Variants in USH2A observed in about 807,000 individuals in gnomAD.
USH2A encodes Usher syndrome 2A (autosomal recessive, mild).
Under a neutral mutation model 538.9 loss-of-function variants are expected in USH2A, and 443 were observed. That is an observed-to-expected ratio of 0.82 (90% CI 0.76 to 0.89). The LOEUF is 0.89. Among genes scored for constraint, USH2A ranks in the 40% least tolerant of loss-of-function variants. The pLI is 0.00. For synonymous variants in USH2A, 2,413 were observed against 2,273.5 expected (o/e 1.06, Z -1.75); for missense variants, 6,633 against 6,324.8 (o/e 1.05, Z -1.65).
intron 49 of USH2A, among the ~76,000 whole-genome samples, chr1:215,811,989 T>TTG (rs1406333045): frequency 1.5e-5 from 2 of 135,968 alleles, no homozygotes; most frequent in African/African-American, 5.5e-5. Flanking sequence ...GGGTTTTTTT[T>TTG]TTTTTTTTTT....
At chr1:215,774,882 T>C (rs887800539) in intron 55 of USH2A, among the ~76,000 whole-genome samples, 3 of 151,872 alleles carry the variant, frequency 2.0e-5, no homozygotes, top group Non-Finnish European at 4.4e-5. Context: ...CACAAAAAAG[T>C]GGTTGATGCC....
At chr1:216,138,243 TAACA>T (rs1456123903) in intron 21 of USH2A, among the ~76,000 whole-genome samples, 1 of 152,180 alleles carries the variant, frequency 6.6e-6, no homozygotes, top group Non-Finnish European at 1.5e-5. Flanking sequence ...GCAGGCCTCT[TAACA>T]AATTGCTGTT....
At chr1:216,380,389 A>G (rs1036500912) in intron 3 of USH2A, among the ~76,000 whole-genome samples, 8 of 152,216 alleles carry the variant, frequency 5.3e-5, no homozygotes, top group Non-Finnish European at 1.0e-4. Context: ...ATCACAAAAA[A>G]TTAAAGACAT....
chr1:216,083,373 A>G, intron 26 of USH2A, 83 bp downstream of exon 26: 1 of 1,441,328 alleles, frequency 6.9e-7, no homozygotes, highest in Non-Finnish European at 9.4e-7. Context: ...ACCCCAATTA[A>G]GTGTAATGCC....
intron 14 of USH2A, among the ~76,000 whole-genome samples, chr1:216,226,215 C>G (rs116471145): frequency 6.6e-6 from 1 of 152,138 alleles, no homozygotes; most frequent in Non-Finnish European, 1.5e-5. Context: ...GCTAATTCCC[C>G]CATGTTCCAT....
chr1:215,950,105 T>C (rs75307276), intron 37 of USH2A, among the ~76,000 whole-genome samples: 4,885 of 152,302 alleles, frequency 0.032, 124 homozygotes, highest in South Asian at 0.083. Context: ...CATTTTGCCA[T>C]GCATATCAAG....
At chr1:216,085,641 C>T (rs924407750) in intron 24 of USH2A, among the ~76,000 whole-genome samples, 3 of 151,838 alleles carry the variant, frequency 2.0e-5, no homozygotes, top group Non-Finnish European at 4.4e-5. Context: ...AGGAAGGGTA[C>T]TTAGTATCAG....
rs1258536796 is a variant in USH2A, at chr1:215,625,196, T to C, written c.*585A>G. The C allele has an allele frequency of 6.3e-6, 1 of 157,934 alleles. No homozygotes were observed. Among genetic ancestry groups the C allele is most frequent in the Non-Finnish European group, 1.4e-5 (1 of 71,448 alleles). The allele number at this position is 157,934 out of a possible 1,614,324, so 9.8% of individuals were successfully genotyped here. A position where few individuals can be genotyped will look rare whatever the true frequency, so the allele number is the denominator to read the frequency against. ...AGTAACCCTATGTATTGTAAATAAA[T>C]AGAACCTTCAGCCTTGTCAAAAAGT... On this transcript the variant is annotated 3_prime_UTR_variant, in exon 72 of 72. Transcript: ENST00000307340.
At chr1:216,050,560 T>TCTTTCTTCCTTTCTTTC (rs2030717766) in intron 30 of USH2A, among the ~76,000 whole-genome samples, 2 of 35,694 alleles carry the variant, frequency 5.6e-5, no homozygotes, top group African/African-American at 1.5e-4. Context: ...ATTTGTATCT[T>TCTTTCTTCCTTTCTTTC]TTTCTTTCTT....
intron 21 of USH2A, among the ~76,000 whole-genome samples, chr1:216,158,797 T>C (rs2033999622): frequency 6.6e-6 from 1 of 152,196 alleles, no homozygotes; most frequent in African/African-American, 2.4e-5. Context: ...CAGATCAAAC[T>C]AGGAAGACTT....
At chr1:216,334,619 G>A (rs1427885377) in intron 4 of USH2A, among the ~76,000 whole-genome samples, 1 of 151,852 alleles carries the variant, frequency 6.6e-6, no homozygotes, top group Admixed American at 6.6e-5. Flanking sequence ...TAGATTGAAT[G>A]TTCAAGAATG....
intron 38 of USH2A, among the ~76,000 whole-genome samples, chr1:215,929,892 T>C (rs993028879): frequency 1.3e-5 from 2 of 151,864 alleles, no homozygotes; most frequent in African/African-American, 2.4e-5. Context: ...TCTTTCTTTC[T>C]TTTTTTTCTC....
intron 21 of USH2A, among the ~76,000 whole-genome samples, chr1:216,146,693 C>G (rs1021498283): frequency 3.9e-5 from 6 of 152,108 alleles, no homozygotes; most frequent in Non-Finnish European, 1.5e-5. Flanking sequence ...GCCCCAATCC[C>G]TTATTTCCGT....
At chr1:216,215,255 T>TGG (rs2035321170) in intron 15 of USH2A, among the ~76,000 whole-genome samples, 1 of 151,882 alleles carries the variant, frequency 6.6e-6, no homozygotes, top group South Asian at 2.1e-4. Flanking sequence ...GTGTAGGGGG[T>TGG]GGGGTACCAT....
intron 11 of USH2A, among the ~76,000 whole-genome samples, chr1:216,264,952 C>G (rs1052334021): frequency 8.6e-5 from 13 of 152,014 alleles, no homozygotes; most frequent in Non-Finnish European, 1.0e-4. Flanking sequence ...AGACCCAAAA[C>G]TATGAAAATA....
Position 216,048,524 on chromosome 1 carries a change from A to G in USH2A, c.6163+10T>C, listed in dbSNP as rs760668070. The G allele has an allele frequency of 1.9e-6, 3 of 1,612,114 alleles. No homozygotes were observed. Among genetic ancestry groups the G allele is most frequent in the South Asian group, 2.2e-5 (2 of 91,052 alleles). On this transcript the variant is annotated intron_variant, in intron 31 of 71. Coordinates refer to ENST00000307340, the MANE Select transcript of USH2A (RefSeq NM_206933.4). The stretch of plus-strand genomic sequence containing the variant: ...AAATGTGGAAGTCAAGACCTTTGAA[A>G]TTACTTTACCTTCTTGTGGAGTAGA...
intron 47 of USH2A, among the ~76,000 whole-genome samples, chr1:215,833,326 T>G (rs1344818253): frequency 6.6e-6 from 1 of 151,966 alleles, no homozygotes; most frequent in Non-Finnish European, 1.5e-5. Context: ...TAATCAAGAT[T>G]GTGCGATATT....
At chr1:215,752,707 C>A (rs1187614902) in intron 58 of USH2A, among the ~76,000 whole-genome samples, 1 of 152,090 alleles carries the variant, frequency 6.6e-6, no homozygotes, top group East Asian at 1.9e-4. Context: ...GTTTTGATGC[C>A]CCCAGTAAAA....
chr1:215,971,011 C>G (rs948277151), intron 35 of USH2A, among the ~76,000 whole-genome samples: 1 of 152,116 alleles, frequency 6.6e-6, no homozygotes, highest in African/African-American at 2.4e-5. Context: ...CCAACAGTTC[C>G]AGCATGAGAA....
Sources: allele counts gnomAD v4.1 joint callset (sites outside exome capture counted in the v4.1 genomes callset), GRCh38; gene constraint gnomAD v4.1.1; transcripts MANE v1.5; gene names NCBI Gene and HGNC (gene_info 2026-07-23, HGNC 2026-07-21).